The following SLC25A21 variants were observed in gnomAD, a reference collection of about 807,000 sequenced individuals.
SLC25A21 encodes solute carrier family 25 member 21.
A neutral mutation model predicts 43.8 loss-of-function variants in SLC25A21; 47 were observed. The ratio of observed to expected loss-of-function variants is 1.07; its 90% CI spans 0.85 to 1.37. The LOEUF (loss-of-function observed/expected upper bound fraction) is 1.37, where lower values mean the gene tolerates loss of function less well. Among genes scored for constraint, SLC25A21 ranks in the 40% most tolerant of loss-of-function variants. The pLI is 0.00. For missense variants in SLC25A21, 352 were observed against 350.2 expected (o/e 1.00, Z -0.04); for synonymous variants, 131 against 121.3 (o/e 1.08, Z -0.52).
intron 3 of SLC25A21, among the ~76,000 whole-genome samples, chr14:36,794,447 G>A (rs918693996): frequency 6.6e-6 from 1 of 152,074 alleles, no homozygotes; most frequent in Admixed American, 6.6e-5. Context: ...ACATTTTATT[G>A]TACAGCTGCT....
chr14:36,711,313 G>C lies in SLC25A21; in HGVS notation c.603+5C>G, dbSNP rs1052446862. ...CTCCAGGATTTTAATTTATTAAATA[G>C]TTACCTTATTGACAGGAATCATGTT... is the stretch of plus-strand genomic sequence containing the variant. On this transcript the variant is annotated splice_donor_5th_base_variant and intron_variant, in intron 7 of 9. Transcript: ENST00000331299. 6.2e-7 allele frequency: 1 copy of C among 1,612,442 alleles called. No individual in the cohort carries two copies.
At chr14:37,065,206 G>T (rs2138817440) in intron 1 of SLC25A21, among the ~76,000 whole-genome samples, 1 of 152,134 alleles carries the variant, frequency 6.6e-6, no homozygotes, top group South Asian at 2.1e-4. Context: ...GTGTGTGAGG[G>T]GTACAGAAGA....
At chr14:37,161,026 A>C in intron 1 of SLC25A21, among the ~76,000 whole-genome samples, 1 of 151,204 alleles carries the variant, frequency 6.6e-6, no homozygotes, top group Non-Finnish European at 1.5e-5. Context: ...GGGGAGGAGA[A>C]GAAATAAATT....
chr14:36,690,169 A>AT (rs1166853583), intron 7 of SLC25A21, among the ~76,000 whole-genome samples: 1 of 152,222 alleles, frequency 6.6e-6, no homozygotes. Context: ...GCTGATAACC[A>AT]TAATAATAAA....
intron 3 of SLC25A21, among the ~76,000 whole-genome samples, chr14:36,769,262 A>G (rs948410801): frequency 2.6e-5 from 4 of 152,192 alleles, no homozygotes; most frequent in African/African-American, 9.6e-5. Flanking sequence ...GAATATTTCT[A>G]TTCTATTTCC....
At chr14:36,931,152 G>T (rs1892276930) in intron 1 of SLC25A21, among the ~76,000 whole-genome samples, 1 of 152,046 alleles carries the variant, frequency 6.6e-6, no homozygotes, top group Admixed American at 6.6e-5. Context: ...ACACTTCTTA[G>T]GCCTTCAATA....
At chr14:37,094,074 C>T (rs746621389) in intron 1 of SLC25A21, among the ~76,000 whole-genome samples, 72 of 152,264 alleles carry the variant, frequency 4.7e-4, no homozygotes, top group Non-Finnish European at 8.1e-4. Context: ...TAATTATCTG[C>T]GGTTATGCAA....
At chr14:36,776,391 C>G (rs1886835781) in intron 3 of SLC25A21, among the ~76,000 whole-genome samples, 1 of 151,620 alleles carries the variant, frequency 6.6e-6, no homozygotes, top group African/African-American at 2.4e-5. Flanking sequence ...TGCCCGCCAC[C>G]ATGCCAGGCT....
Position 37,037,833 on chromosome 14 carries a change from A to C in SLC25A21, c.70+134448T>G, listed in dbSNP as rs574876180. Among the ~76,000 whole-genome samples the C allele has an allele frequency of 2.0e-5, 3 of 152,274 alleles. No homozygotes were observed. In the East Asian group the frequency reaches 5.8e-4, roughly 29 times the overall value. On this transcript the variant is annotated intron_variant, in intron 1 of 9. Transcript: ENST00000331299. ...GCTGCCAGGAATCATCTCCCAAACT[A>C]AACCCATATGGCTCTACTCAACCAG... is the stretch of plus-strand genomic sequence containing the variant.
At chr14:36,684,585 T>C (rs1174930930) in intron 8 of SLC25A21, among the ~76,000 whole-genome samples, 159 bp downstream of exon 8, 2 of 152,060 alleles carry the variant, frequency 1.3e-5, no homozygotes, top group Non-Finnish European at 2.9e-5. Flanking sequence ...CATCTTACTA[T>C]TGTGTTGTCT....
chr14:36,769,618 G>T (rs2138353747), intron 3 of SLC25A21, among the ~76,000 whole-genome samples: 1 of 152,080 alleles, frequency 6.6e-6, no homozygotes, highest in Non-Finnish European at 1.5e-5. Context: ...TCTTTGCGTG[G>T]TGCATGTTTA....
At chr14:37,022,380 T>C (rs1368073221) in intron 1 of SLC25A21, among the ~76,000 whole-genome samples, 1 of 151,940 alleles carries the variant, frequency 6.6e-6, no homozygotes, top group Non-Finnish European at 1.5e-5. Context: ...GTTACTGAAA[T>C]AGAACAATAG....
chr14:36,793,868 C>T (rs1169183370), intron 3 of SLC25A21, among the ~76,000 whole-genome samples: 5 of 148,680 alleles, frequency 3.4e-5, no homozygotes, highest in Non-Finnish European at 7.4e-5. Flanking sequence ...ACTTCGTCAA[C>T]TCACACACAC....
At chr14:36,946,948 C>T (rs1400595332) in intron 1 of SLC25A21, among the ~76,000 whole-genome samples, 1 of 152,136 alleles carries the variant, frequency 6.6e-6, no homozygotes, top group Non-Finnish European at 1.5e-5. Context: ...TCATTCTGGA[C>T]ACTATTTATC....
rs558818685 is a variant in SLC25A21, at chr14:37,092,461, T to A, written c.70+79820A>T. On this transcript the variant is annotated intron_variant, in intron 1 of 9. Coordinates refer to ENST00000331299, the MANE Select transcript of SLC25A21 (RefSeq NM_030631.4). Reference sequence around the variant, plus strand: ...TCCTCCTACCTACCTAGGCTTCTGATTTCCCCCCAGTGTTGTTTAGGTAGG... The same window carrying A: ...TCCTCCTACCTACCTAGGCTTCTGAATTCCCCCCAGTGTTGTTTAGGTAGG... 5.9e-5 allele frequency among the ~76,000 whole-genome samples: 9 copies of A among 152,250 alleles called. No homozygotes were observed. In the East Asian group the frequency reaches 1.6e-3, roughly 26 times the overall value.
chr14:36,864,247 T>C (rs1232304963), intron 2 of SLC25A21, among the ~76,000 whole-genome samples: 1 of 152,212 alleles, frequency 6.6e-6, no homozygotes, highest in Non-Finnish European at 1.5e-5. Flanking sequence ...TTAATTTGTA[T>C]TAATGCACTT....
At chr14:36,895,599 T>C (rs1266605695) in intron 1 of SLC25A21, among the ~76,000 whole-genome samples, 1 of 152,202 alleles carries the variant, frequency 6.6e-6, no homozygotes, top group Non-Finnish European at 1.5e-5. Flanking sequence ...ATGTGTTTGC[T>C]CTTGCTTCTC....
chr14:37,166,792 T>C (rs959117355), intron 1 of SLC25A21, among the ~76,000 whole-genome samples: 2 of 152,204 alleles, frequency 1.3e-5, no homozygotes, highest in Non-Finnish European at 2.9e-5. Context: ...TTGATGAAGC[T>C]AGGAAAGTTC....
chr14:36,713,503 C>T (rs1009766673), intron 6 of SLC25A21, among the ~76,000 whole-genome samples: 8 of 151,968 alleles, frequency 5.3e-5, no homozygotes, highest in Non-Finnish European at 8.8e-5. Context: ...TTGTTGAGTT[C>T]GGACTCTAGT....
Sources: gnomAD v4.1 joint callset for allele counts (sites outside exome capture counted in the v4.1 genomes callset) on GRCh38, gnomAD v4.1.1 for gene constraint, MANE v1.5 for transcripts, NCBI Gene and HGNC (gene_info 2026-07-23, HGNC 2026-07-21) for gene names.